WDR49: variants seen among roughly 807,000 people sequenced by gnomAD.
The protein encoded by WDR49 is cilia- and flagella-associated protein 337.
A neutral mutation model predicts 119.5 loss-of-function variants in WDR49; 107 were observed. That is an observed-to-expected ratio of 0.90 (90% CI 0.77 to 1.05). The LOEUF (loss-of-function observed/expected upper bound fraction) is 1.05, where lower values mean the gene tolerates loss of function less well. Ranked by LOEUF, WDR49 falls within the 50% of genes least tolerant of loss-of-function variation. The probability of loss-of-function intolerance (pLI) is 0.00; values close to 1 mark genes in which losing one functional copy is unlikely to be tolerated. For missense variants in WDR49, 1,240 were observed against 1,220.5 expected (o/e 1.02, Z -0.24); for synonymous variants, 425 against 418.8 (o/e 1.01, Z -0.18).
chr3:167,585,461 A>T lies in WDR49; in HGVS notation c.1276-9310T>A, dbSNP rs912482367. On this transcript the variant is annotated intron_variant, in intron 7 of 18. Transcript: ENST00000682715. Reference sequence around the variant, plus strand: ...TGGCTAACAAAGATAAACAACTTAGAAACAATATCTCCTTTAATCAACAGG... The same window carrying T: ...TGGCTAACAAAGATAAACAACTTAGTAACAATATCTCCTTTAATCAACAGG... Among the ~76,000 whole-genome samples, 7 of 151,758 alleles carry T rather than the reference A, an allele frequency of 4.6e-5. 1 individual carries two copies. The highest frequency in any genetic ancestry group is 2.9e-5 in the Non-Finnish European group (2 of 67,896).
At chr3:167,519,240 A>G (rs1752334602) in intron 16 of WDR49, among the ~76,000 whole-genome samples, 1 of 152,232 alleles carries the variant, frequency 6.6e-6, no homozygotes, top group Non-Finnish European at 1.5e-5. Flanking sequence ...ACCTAGAACC[A>G]GAAATAGTAT....
intron 2 of WDR49, among the ~76,000 whole-genome samples, chr3:167,648,229 G>A (rs1382237128): frequency 6.6e-6 from 1 of 152,136 alleles, no homozygotes; most frequent in Non-Finnish European, 1.5e-5. Context: ...ATAACATGAT[G>A]CCAACATAAG....
At chr3:167,527,177 C>T (rs112433575) in intron 15 of WDR49, among the ~76,000 whole-genome samples, 165 of 152,206 alleles carry the variant, frequency 1.1e-3, no homozygotes, top group Admixed American at 3.1e-3. Flanking sequence ...AACTCTACCA[C>T]GATTAGCTTC....
chr3:167,565,941 A>T (rs1713569701), intron 8 of WDR49, among the ~76,000 whole-genome samples: 1 of 152,214 alleles, frequency 6.6e-6, no homozygotes, highest in Non-Finnish European at 1.5e-5. Context: ...TCTTAACAAA[A>T]ATTCTACAAG....
intron 8 of WDR49, among the ~76,000 whole-genome samples, chr3:167,569,968 A>G (rs1713837532): frequency 6.6e-6 from 1 of 152,184 alleles, no homozygotes; most frequent in Non-Finnish European, 1.5e-5. Context: ...ATAAATGTGT[A>G]TCTGTTCGTA....
chr3:167,580,852 C>A (rs903838094), intron 7 of WDR49, among the ~76,000 whole-genome samples: 11 of 152,126 alleles, frequency 7.2e-5, no homozygotes, highest in African/African-American at 2.7e-4. Context: ...TTTCAATTTT[C>A]ATTTCAGATA....
intron 16 of WDR49, among the ~76,000 whole-genome samples, chr3:167,514,336 A>G (rs1263267502): frequency 6.6e-6 from 1 of 152,174 alleles, no homozygotes; most frequent in African/African-American, 2.4e-5. Flanking sequence ...GAAGTTGAAC[A>G]TCCTGCTCTT....
Position 167,644,063 on chromosome 3 carries a change from T to A in WDR49, c.165+9198A>T, listed in dbSNP as rs748369304. 2.4e-3 allele frequency among the ~76,000 whole-genome samples: 368 copies of A among 151,550 alleles called. 3 individuals are homozygous for A. Among genetic ancestry groups the A allele is most frequent in the Non-Finnish European group, 2.4e-3 (164 of 67,756 alleles). On this transcript the variant is annotated intron_variant, in intron 2 of 18. Coordinates refer to ENST00000682715, the MANE Select transcript of WDR49 (RefSeq NM_001366157.1). ...AATTCCCCCCAATCCCCACCTTTTT[T>A]TTTTTTTTTTGGATTTCTCTTCATC... is the stretch of plus-strand genomic sequence containing the variant.
chr3:167,587,759 C>T (rs979674030), intron 7 of WDR49, among the ~76,000 whole-genome samples: 10 of 152,150 alleles, frequency 6.6e-5, no homozygotes, highest in Non-Finnish European at 1.0e-4. Flanking sequence ...GTTGGTATTA[C>T]AAGCGTGAGG....
At chr3:167,636,590 A>G (rs546191648) in intron 2 of WDR49, among the ~76,000 whole-genome samples, 16 of 151,874 alleles carry the variant, frequency 1.1e-4, no homozygotes, top group African/African-American at 3.4e-4. Flanking sequence ...CAGTGGTTGT[A>G]CTAGTTTGCA....
chr3:167,626,765 A>C (rs775926732), intron 3 of WDR49, 87 bp downstream of exon 3: 30 of 1,067,372 alleles, frequency 2.8e-5, no homozygotes, highest in Non-Finnish European at 3.5e-5. Context: ...AGAGTAATGC[A>C]GCTTTCTGTT....
chr3:167,514,184 T>G (rs1752102928), intron 16 of WDR49, among the ~76,000 whole-genome samples: 1 of 152,190 alleles, frequency 6.6e-6, no homozygotes, highest in Non-Finnish European at 1.5e-5. Flanking sequence ...TGGCACTTCC[T>G]CTAAAATTGA....
intron 15 of WDR49, among the ~76,000 whole-genome samples, chr3:167,526,776 A>T (rs1560268976): frequency 6.6e-6 from 1 of 152,112 alleles, no homozygotes; most frequent in East Asian, 1.9e-4. Context: ...TGGCCTCATC[A>T]AACTGACTTT....
At chr3:167,512,049 C>T (rs992895765) in intron 16 of WDR49, among the ~76,000 whole-genome samples, 1 of 152,200 alleles carries the variant, frequency 6.6e-6, no homozygotes. Context: ...GGAATCAAGG[C>T]AGTCCAGACG....
intron 2 of WDR49, among the ~76,000 whole-genome samples, chr3:167,643,224 G>A (rs1471569202): frequency 6.6e-6 from 1 of 151,926 alleles, no homozygotes; most frequent in Non-Finnish European, 1.5e-5. Flanking sequence ...TTCAATCAAG[G>A]GACCCAACGT....
intron 10 of WDR49, among the ~76,000 whole-genome samples, chr3:167,548,503 C>T (rs1233645216): frequency 6.6e-6 from 1 of 151,956 alleles, no homozygotes; most frequent in African/African-American, 2.4e-5. Flanking sequence ...AGAGATATTT[C>T]ATCAATACCA....
At chr3:167,565,380 T>TACACACACAC (rs112641739) in intron 8 of WDR49, among the ~76,000 whole-genome samples, 2 of 129,022 alleles carry the variant, frequency 1.6e-5, no homozygotes, top group African/African-American at 6.1e-5. Context: ...CATATCTATC[T>TACACACACAC]ACACACACAC....
At chr3:167,503,061 C>A (rs1387256126) in intron 17 of WDR49, among the ~76,000 whole-genome samples, 1 of 152,208 alleles carries the variant, frequency 6.6e-6, no homozygotes, top group Non-Finnish European at 1.5e-5. Context: ...AGAAGGAATA[C>A]ACCACTGTTC....
At chr3:167,533,253 C>A (rs892371574) in intron 11 of WDR49, among the ~76,000 whole-genome samples, 3 of 152,042 alleles carry the variant, frequency 2.0e-5, no homozygotes, top group Admixed American at 6.6e-5. Flanking sequence ...AGATGCTTTG[C>A]AAATAAAAAA....
Sources: gnomAD v4.1 joint callset for allele counts (sites outside exome capture counted in the v4.1 genomes callset) on GRCh38, gnomAD v4.1.1 for gene constraint, MANE v1.5 for transcripts, NCBI Gene and HGNC (gene_info 2026-07-23, HGNC 2026-07-21) for gene names.